CD109: variants seen among roughly 807,000 people sequenced by gnomAD.
CD109 encodes the protein CD109 molecule.
Under a neutral mutation model 165.8 loss-of-function variants are expected in CD109, and 149 were observed. The observed-to-expected ratio is 0.90, with a 90% CI of 0.79 to 1.03. CD109 has a LOEUF of 1.03. Among genes scored for constraint, CD109 ranks in the 50% least tolerant of loss-of-function variants. The pLI is 0.00. For synonymous variants in CD109, 585 were observed against 592.1 expected, an observed-to-expected ratio of 0.99 and a Z score of 0.18; for missense variants, 1,712 against 1,677.8, an observed-to-expected ratio of 1.02 and a Z score of -0.36.
At chr6:73,723,420 G>C in intron 3 of CD109, 141 bp downstream of exon 3, 1 of 676,356 alleles carries the variant, frequency 1.5e-6, no homozygotes, top group Non-Finnish European at 2.5e-6. Context: ...TCAGCCTTCA[G>C]ATTATTTATG....
At chr6:73,772,272 G>A (rs560621703) in intron 15 of CD109, among the ~76,000 whole-genome samples, 23 of 152,198 alleles carry the variant, frequency 1.5e-4, no homozygotes, top group Non-Finnish European at 7.4e-5. Context: ...TTGGGAGGCC[G>A]AGGTGGGTGG....
Position 73,764,676 on chromosome 6 carries a change from C to T in CD109, c.1107+991C>T, listed in dbSNP as rs190318674. 2.4e-4 allele frequency among the ~76,000 whole-genome samples: 37 copies of T among 152,110 alleles called. No individual in the cohort carries two copies. The East Asian group carries it at 6.2e-3, about 25-fold the overall frequency. On this transcript the variant is annotated intron_variant, in intron 10 of 32. Coordinates refer to ENST00000287097, the MANE Select transcript of CD109 (RefSeq NM_133493.5). ...CTAAAAACACAAAAAATTAGGCGGG[C>T]GTGGTGGCACATGCCTGTAATTCCA... is the stretch of plus-strand genomic sequence containing the variant.
At chr6:73,710,495 A>G (rs977878173) in intron 2 of CD109, among the ~76,000 whole-genome samples, 1 of 152,188 alleles carries the variant, frequency 6.6e-6, no homozygotes, top group Admixed American at 6.5e-5. Flanking sequence ...AAGAATCAAT[A>G]TCTTGAAAAT....
In CD109 at chr6:73,763,669, T is replaced by G. The variant is rs1773726728; in HGVS notation, c.1091T>G (p.Leu364Arg). 6.4e-7 allele frequency: 1 copy of G among 1,574,024 alleles called. No individual in the cohort carries two copies. The highest frequency in any genetic ancestry group is 8.7e-7 in the Non-Finnish European group (1 of 1,152,676). Residue 364 changes from leucine (L) to arginine (R), a missense_variant, in exon 10 of 33, where the codon CTC becomes CGC. Transcript: ENST00000287097. Reference protein sequence around the residue: ...FDYTTVLKPSLNFTATVKVTR... With the variant: ...FDYTTVLKPSRNFTATVKVTR... The stretch of plus-strand genomic sequence containing the variant: ...TATACTACTGTCTTGAAGCCATCTC[T>G]CAACTTCACAGCCACTGTAAGTTGG...
chr6:73,763,015 T>C (rs1773692656), intron 9 of CD109, 133 bp downstream of exon 9: 3 of 814,206 alleles, frequency 3.7e-6, no homozygotes, highest in Non-Finnish European at 5.6e-6. Flanking sequence ...GAAATTGTTA[T>C]GACTGTTAGT....
intron 5 of CD109, among the ~76,000 whole-genome samples, chr6:73,736,745 T>C (rs1772561384): frequency 6.6e-6 from 1 of 152,234 alleles, no homozygotes; most frequent in Non-Finnish European, 1.5e-5. Flanking sequence ...GTTTAAAGGT[T>C]AAAACATTTT....
chr6:73,781,300 G>GGATTATATT lies in CD109; in HGVS notation c.1948_1956dup (p.Tyr650_Asp652dup), dbSNP rs1774486050. On this transcript the variant is annotated inframe_insertion, in exon 17 of 33. Transcript: ENST00000287097. ...TATTGACAGATGCAAACCTCACGAA[G>GGATTATATT]GATTATATTGATGGTGTTTGTAAGT... 1 of 1,613,052 alleles carries GGATTATATT rather than the reference G, an allele frequency of 6.2e-7. No individual in the cohort carries two copies. The highest frequency in any genetic ancestry group is 8.5e-7 in the Non-Finnish European group (1 of 1,179,220).
intron 23 of CD109, among the ~76,000 whole-genome samples, chr6:73,801,264 A>G (rs1006038736): frequency 6.6e-6 from 1 of 152,230 alleles, no homozygotes; most frequent in African/African-American, 2.4e-5. Context: ...CAGTCTCATT[A>G]TCTGTGAAAA....
intron 22 of CD109, 52 bp downstream of exon 22, chr6:73,788,664 ATGT>A (rs1350448997): frequency 3.4e-6 from 5 of 1,483,868 alleles, no homozygotes; most frequent in African/African-American, 1.4e-5. Flanking sequence ...ATGATCATAT[ATGT>A]TGTTCTTGTA....
chr6:73,823,379 G>T (rs911166672), intron 32 of CD109, 79 bp from the exon 33 acceptor site: 23 of 1,069,634 alleles, frequency 2.2e-5, no homozygotes, highest in South Asian at 3.3e-5. Flanking sequence ...AAAGTGTATC[G>T]AAATGCTCTT....
intron 23 of CD109, among the ~76,000 whole-genome samples, chr6:73,800,358 G>A (rs908763691): frequency 6.6e-6 from 1 of 152,082 alleles, no homozygotes; most frequent in Non-Finnish European, 1.5e-5. Flanking sequence ...CAGTTTTGGG[G>A]CACTAAGATT....
At chr6:73,812,352 A>G (rs1398531371) in intron 29 of CD109, 82 bp downstream of exon 29, 8 of 836,288 alleles carry the variant, frequency 9.6e-6, no homozygotes, top group Non-Finnish European at 1.3e-5. Context: ...TAAATCTTAG[A>G]TAACTTGAAT....
chr6:73,817,651 C>A (rs1775985327), intron 30 of CD109, among the ~76,000 whole-genome samples: 1 of 152,176 alleles, frequency 6.6e-6, no homozygotes, highest in African/African-American at 2.4e-5. Context: ...TAGCTGGGCT[C>A]CTTCTGCTCT....
chr6:73,698,529 A>G (rs1329434570), intron 2 of CD109, among the ~76,000 whole-genome samples: 2 of 152,162 alleles, frequency 1.3e-5, no homozygotes, highest in African/African-American at 4.8e-5. Context: ...AAAAAAAAAA[A>G]TTTAAGGCAC....
intron 5 of CD109, among the ~76,000 whole-genome samples, chr6:73,751,802 A>G (rs1349905529): frequency 6.6e-6 from 1 of 152,174 alleles, no homozygotes; most frequent in African/African-American, 2.4e-5. Context: ...CTCCTAGCTC[A>G]TCGAAAGCTC....
intron 4 of CD109, among the ~76,000 whole-genome samples, chr6:73,734,080 G>T (rs1232727738): frequency 6.6e-6 from 1 of 152,218 alleles, no homozygotes. Flanking sequence ...CAAATGCTGG[G>T]CTCCGCTGTG....
At chr6:73,787,809 T>C (rs1444204662) in intron 21 of CD109, among the ~76,000 whole-genome samples, 1 of 152,192 alleles carries the variant, frequency 6.6e-6, no homozygotes, top group Non-Finnish European at 1.5e-5. Context: ...TGTAGATTTT[T>C]TTCAGAGAAG....
rs561303169 is a variant in CD109 at position 73,803,369 on chromosome 6, C to G, written c.2960+68C>G. The G allele has an allele frequency of 1.5e-3, 1,639 of 1,120,352 alleles. 4 individuals carry two copies. The highest frequency in any genetic ancestry group is 1.3e-3 in the Non-Finnish European group (963 of 742,284). The allele number at this position is 1,120,352 out of a possible 1,614,324, so 69.4% of individuals were successfully genotyped here. The stretch of plus-strand genomic sequence containing the variant: ...GGCTTTCACTAGGTCACAATAGCCA[C>G]GAAATTGACAGATATATCTCTATAT... On this transcript the variant is annotated intron_variant, in intron 24 of 32. Coordinates refer to ENST00000287097, the MANE Select transcript of CD109 (RefSeq NM_133493.5).
intron 2 of CD109, among the ~76,000 whole-genome samples, chr6:73,703,836 A>T (rs1004349743): frequency 3.9e-5 from 6 of 152,176 alleles, no homozygotes; most frequent in African/African-American, 1.4e-4. Context: ...CTCAGAGTCC[A>T]AATTGTATTT....
Sources: allele counts gnomAD v4.1 joint callset (sites outside exome capture counted in the v4.1 genomes callset), GRCh38; gene constraint gnomAD v4.1.1; transcripts MANE v1.5; gene names NCBI Gene and HGNC (gene_info 2026-07-23, HGNC 2026-07-21).